The following RANBP17 variants were observed in gnomAD, a reference collection of about 807,000 sequenced individuals.
The protein encoded by RANBP17 is ran-binding protein 17.
Under a neutral mutation model 141.2 loss-of-function variants are expected in RANBP17, and 158 were observed. The ratio of observed to expected loss-of-function variants is 1.12; its 90% CI spans 0.98 to 1.28. The LOEUF (loss-of-function observed/expected upper bound fraction) is 1.28, where lower values mean the gene tolerates loss of function less well. RANBP17 is among the 50% of genes most tolerant of loss of function. The pLI is 0.00. For missense variants in RANBP17, 1,438 were observed against 1,290.7 expected (o/e 1.11, Z -1.75); for synonymous variants, 430 against 450.0 (o/e 0.96, Z 0.56).
intron 14 of RANBP17, among the ~76,000 whole-genome samples, chr5:171,154,041 A>C (rs1443292470): frequency 6.6e-6 from 1 of 151,896 alleles, no homozygotes; most frequent in African/African-American, 2.4e-5. Context: ...AAAATAAATA[A>C]ATAAATAAAT....
intron 14 of RANBP17, among the ~76,000 whole-genome samples, chr5:171,077,755 TA>T (rs1785023384): frequency 6.6e-6 from 1 of 152,202 alleles, no homozygotes; most frequent in Non-Finnish European, 1.5e-5. Flanking sequence ...ACCAAGATAT[TA>T]AAAGTGCTAC....
chr5:171,241,726 T>C (rs1411765591), intron 23 of RANBP17, among the ~76,000 whole-genome samples: 1 of 152,106 alleles, frequency 6.6e-6, no homozygotes, highest in Non-Finnish European at 1.5e-5. Flanking sequence ...CCAAGACAAC[T>C]GGTATGGTTC....
chr5:171,196,013 C>A (rs1761957545), intron 18 of RANBP17, among the ~76,000 whole-genome samples: 1 of 152,152 alleles, frequency 6.6e-6, no homozygotes, highest in South Asian at 2.1e-4. Flanking sequence ...AGACCTTATT[C>A]AAGGCACTGG....
intron 25 of RANBP17, among the ~76,000 whole-genome samples, chr5:171,292,904 C>T (rs13153469): frequency 0.036 from 5,552 of 152,254 alleles, 135 homozygotes; most frequent in Middle Eastern, 0.17. Flanking sequence ...CTCCCCACTA[C>T]CATCAGGATG....
At chr5:171,097,039 C>T (rs188101461) in intron 14 of RANBP17, among the ~76,000 whole-genome samples, 160 of 152,168 alleles carry the variant, frequency 1.1e-3, no homozygotes, top group African/African-American at 3.8e-3. Context: ...TTATGTTTTA[C>T]AAAAAGATTT....
intron 14 of RANBP17, among the ~76,000 whole-genome samples, chr5:170,979,389 G>A (rs2218885): frequency 0.67 from 102,160 of 152,090 alleles, 34,599 homozygotes; most frequent in South Asian, 0.89. Flanking sequence ...TTACCCTCCT[G>A]TCCCCTTGCA....
At chr5:171,207,545 G>A (rs1264816448) in intron 20 of RANBP17, 1 of 152,154 alleles carries the variant, frequency 6.6e-6, no homozygotes, top group Non-Finnish European at 1.5e-5. Context: ...AGAAACCTTT[G>A]TCTCCTCCAT....
intron 14 of RANBP17, among the ~76,000 whole-genome samples, chr5:171,150,178 A>G (rs1209512744): frequency 6.6e-6 from 1 of 152,056 alleles, no homozygotes; most frequent in Non-Finnish European, 1.5e-5. Flanking sequence ...CTGGGAATCT[A>G]TACCACTCTT....
intron 24 of RANBP17, among the ~76,000 whole-genome samples, chr5:171,245,035 A>G (rs1765130155): frequency 6.6e-6 from 1 of 151,902 alleles, no homozygotes; most frequent in East Asian, 2.0e-4. Flanking sequence ...AGGCTGAAGC[A>G]GGAGAATGGC....
At chr5:171,272,118 C>G (rs1581161467) in intron 25 of RANBP17, among the ~76,000 whole-genome samples, 1 of 152,130 alleles carries the variant, frequency 6.6e-6, no homozygotes, top group East Asian at 1.9e-4. Flanking sequence ...AGCATGTTCT[C>G]ACTTACAAGT....
At chr5:171,134,097 T>A (rs1282835476) in intron 14 of RANBP17, among the ~76,000 whole-genome samples, 4 of 152,228 alleles carry the variant, frequency 2.6e-5, no homozygotes, top group Non-Finnish European at 5.9e-5. Flanking sequence ...AAATGGAATA[T>A]GCTGTTTTTA....
intron 14 of RANBP17, among the ~76,000 whole-genome samples, chr5:171,034,936 C>T (rs946648703): frequency 1.3e-5 from 2 of 152,136 alleles, no homozygotes; most frequent in East Asian, 3.8e-4. Flanking sequence ...GACCCTCCTG[C>T]CTCAGCCTCC....
At chr5:170,932,656 A>G (rs560869654) in intron 12 of RANBP17, among the ~76,000 whole-genome samples, 187 of 152,210 alleles carry the variant, frequency 1.2e-3, no homozygotes, top group African/African-American at 1.5e-3. Context: ...TTCTGCATCT[A>G]TTGAGATAAT....
chr5:171,129,265 GT>G (rs1227731384), intron 14 of RANBP17, among the ~76,000 whole-genome samples: 1 of 152,172 alleles, frequency 6.6e-6, no homozygotes, highest in Admixed American at 6.5e-5. Context: ...TGAAATTACA[GT>G]GTAGATCAGT....
At chr5:171,018,554 G>A (rs543756922) in intron 14 of RANBP17, among the ~76,000 whole-genome samples, 36 of 152,076 alleles carry the variant, frequency 2.4e-4, no homozygotes, top group Non-Finnish European at 4.9e-4. Flanking sequence ...TTGGCTCTCT[G>A]CTAGTCTATT....
At chr5:171,001,333 C>T (rs910551212) in intron 14 of RANBP17, among the ~76,000 whole-genome samples, 2 of 151,838 alleles carry the variant, frequency 1.3e-5, no homozygotes, top group African/African-American at 2.4e-5. Context: ...ACACAAGGTC[C>T]GAATAAAAGA....
intron 14 of RANBP17, among the ~76,000 whole-genome samples, chr5:171,010,196 T>G (rs1483520902): frequency 6.6e-6 from 1 of 152,030 alleles, no homozygotes; most frequent in Non-Finnish European, 1.5e-5. Context: ...CTTAAAGAAT[T>G]AAAGAGAGAT....
intron 14 of RANBP17, among the ~76,000 whole-genome samples, chr5:171,103,063 T>A (rs1787285378): frequency 6.6e-6 from 1 of 152,204 alleles, no homozygotes; most frequent in Non-Finnish European, 1.5e-5. Flanking sequence ...TCTCTCAGTC[T>A]GGAGGCTCAG....
chr5:170,877,269 A>AATAT lies in RANBP17; in HGVS notation c.19-819_19-816dup, dbSNP rs375305912. ...CCCGAAATCAACATATAATAAAAAT[A>AATAT]ATATATATATATTTTTGAGACAGGG... On this transcript the variant is annotated intron_variant, in intron 1 of 27. Coordinates refer to ENST00000523189, the MANE Select transcript of RANBP17 (RefSeq NM_022897.5). 4.8e-3 allele frequency among the ~76,000 whole-genome samples: 731 copies of AATAT among 151,866 alleles called. 5 individuals are homozygous for AATAT. Among genetic ancestry groups the AATAT allele is most frequent in the African/African-American group, 0.017 (687 of 41,388 alleles).
Sources: allele counts gnomAD v4.1 joint callset (sites outside exome capture counted in the v4.1 genomes callset), GRCh38; gene constraint gnomAD v4.1.1; transcripts MANE v1.5; gene names NCBI Gene and HGNC (gene_info 2026-07-23, HGNC 2026-07-21).